Variants in FIBCD1 observed in about 807,000 individuals in gnomAD.
The protein encoded by FIBCD1 is fibrinogen C domain containing 1, also known as fibrinogen C domain-containing protein 1.
FIBCD1 carries 47 observed loss-of-function variants against 45.1 expected under a neutral mutation model. The ratio of observed to expected loss-of-function variants is 1.04; its 90% CI spans 0.82 to 1.33. The LOEUF is 1.33. FIBCD1 is among the 40% of genes most tolerant of loss of function. The pLI is 0.00. For synonymous variants in FIBCD1, 313 were observed against 308.1 expected (o/e 1.02, Z -0.17); for missense variants, 653 against 682.2 (o/e 0.96, Z 0.48).
At chr9:130,920,343 C>T (rs902100372) in intron 4 of FIBCD1, among the ~76,000 whole-genome samples, 1 of 152,064 alleles carries the variant, frequency 6.6e-6, no homozygotes, top group East Asian at 1.9e-4. Flanking sequence ...GCACTGACTC[C>T]CTCCCAGCCC....
chr9:130,933,100 A>G (rs963929615), intron 1 of FIBCD1, among the ~76,000 whole-genome samples: 6 of 152,174 alleles, frequency 3.9e-5, no homozygotes, highest in African/African-American at 1.4e-4. Context: ...GAGGGGCTCG[A>G]GGAAGCCGCA....
chr9:130,928,234 C>T (rs1012442896), intron 2 of FIBCD1, among the ~76,000 whole-genome samples: 1 of 152,182 alleles, frequency 6.6e-6, no homozygotes, highest in African/African-American at 2.4e-5. Flanking sequence ...GGCTGTTAGT[C>T]TTGTGGGAAT....
rs1270109309 is a variant in FIBCD1 at position 130,929,852 on chromosome 9, G to A, written c.267C>T (p.His89=). The A allele has an allele frequency of 4.5e-6, 7 of 1,549,668 alleles. No individual in the cohort carries two copies. In the African/African-American group the frequency reaches 9.6e-5, roughly 21 times the overall value. ...LVTVERADSS[H]LSILIDPRCP... is the part of the protein sequence containing the mutation. ...AGCGCGGGTCAATGAGGATGCTGAGGTGCGAGCTGTCCGCCCTTTCCACAG... is the reference window on the plus strand; with the variant it reads ...AGCGCGGGTCAATGAGGATGCTGAGATGCGAGCTGTCCGCCCTTTCCACAG... Residue 89 remains histidine, a synonymous_variant, in exon 2 of 7, where the codon CAC becomes CAT. Coordinates refer to ENST00000372338, the MANE Select transcript of FIBCD1 (RefSeq NM_032843.5).
intron 4 of FIBCD1, among the ~76,000 whole-genome samples, chr9:130,920,407 C>T (rs1302804079): frequency 6.6e-6 from 1 of 152,162 alleles, no homozygotes; most frequent in Non-Finnish European, 1.5e-5. Flanking sequence ...TCTGACTTGT[C>T]CCCATCTGCA....
At chr9:130,938,364 A>G in intron 1 of FIBCD1, 172 bp downstream of exon 1, 1 of 514,578 alleles carries the variant, frequency 1.9e-6, no homozygotes, top group South Asian at 3.3e-5. Context: ...CTCGAGTTCA[A>G]GCCTCGGCTC....
In FIBCD1 at chr9:130,904,316, G is replaced by A; in HGVS notation, c.1134C>T (p.Ser378=). The change falls in exon 7 of 7, where the codon TCC becomes TCT. Residue 378 remains serine (S), a synonymous_variant. Transcript: ENST00000372338. ...ACCTCATGCCGCTGTGCTTCAGGAG[G>A]GAGTCGCCTGCGCAGGGGTGCACAC... The part of the protein sequence containing the change: ...VADYSGTAGD[S]LLKHSGMRFT... 1 of 1,607,010 alleles carries A rather than the reference G, an allele frequency of 6.2e-7. No homozygotes were observed. The highest frequency in any genetic ancestry group is 8.5e-7 in the Non-Finnish European group (1 of 1,175,330).
intron 5 of FIBCD1, among the ~76,000 whole-genome samples, chr9:130,911,507 G>A (rs1351407538): frequency 1.3e-5 from 2 of 152,212 alleles, no homozygotes; most frequent in East Asian, 3.9e-4. Context: ...CAGCCAGCAG[G>A]TCCCAGGGTG....
At chr9:130,934,183 C>T (rs1022631223) in intron 1 of FIBCD1, among the ~76,000 whole-genome samples, 2 of 152,184 alleles carry the variant, frequency 1.3e-5, no homozygotes, top group Non-Finnish European at 2.9e-5. Context: ...TCCCCAGGAG[C>T]CCACTCTGCT....
At chr9:130,913,212 G>A (rs540288339) in intron 4 of FIBCD1, among the ~76,000 whole-genome samples, 17 of 151,444 alleles carry the variant, frequency 1.1e-4, no homozygotes, top group South Asian at 1.0e-3. Context: ...CGTCCCAGCC[G>A]GCCTCCCCAG....
chr9:130,912,807 G>T (rs75912714), intron 4 of FIBCD1, among the ~76,000 whole-genome samples: 6 of 108,570 alleles, frequency 5.5e-5, no homozygotes, highest in African/African-American at 2.1e-4. Context: ...TCAAAGAAAG[G>T]GGGGGCAGAG....
intron 1 of FIBCD1, chr9:130,933,918 C>G (rs1297996912): frequency 6.6e-6 from 1 of 152,608 alleles, no homozygotes; most frequent in Non-Finnish European, 1.5e-5. Context: ...CAGGTTAGAC[C>G]CAGGTGAGTG....
chr9:130,921,585 G>A (rs575182163), intron 4 of FIBCD1, among the ~76,000 whole-genome samples: 18 of 152,204 alleles, frequency 1.2e-4, no homozygotes, highest in African/African-American at 1.7e-4. Flanking sequence ...CGGAATGACC[G>A]GCCTCCCAGC....
rs766443740 is a variant in FIBCD1 at position 130,911,836 on chromosome 9, G to T, written c.902C>A (p.Ala301Glu). ...GSVNFFRGWD[A>E]YRDGFGRLTG... ...GAGCCTGCCAAAGCCGTCTCGGTAC[G>T]CATCCCAGCCCCGGAAGAAGTTCAC... The change falls in exon 5 of 7, where the codon GCG (alanine) becomes GAG (glutamate). Residue 301 changes from alanine to glutamate, a missense_variant. Ala to Glu is a moderately radical substitution (Grantham distance 107). Transcript: ENST00000372338. The T allele has an allele frequency of 1.2e-6, 2 of 1,604,446 alleles. No individual in the cohort carries two copies. The highest frequency in any genetic ancestry group is 1.3e-5 in the African/African-American group (1 of 74,660).
intron 5 of FIBCD1, among the ~76,000 whole-genome samples, chr9:130,911,243 A>G (rs545075652): frequency 3.9e-5 from 6 of 152,308 alleles, no homozygotes; most frequent in Admixed American, 2.6e-4. Flanking sequence ...ATATCCGAAC[A>G]TCAGAAGAAA....
chr9:130,927,729 C>T (rs1452437843), intron 2 of FIBCD1, among the ~76,000 whole-genome samples: 3 of 152,184 alleles, frequency 2.0e-5, no homozygotes, highest in Non-Finnish European at 1.5e-5. Context: ...AGTGCAGTGG[C>T]GTGATCTCGG....
chr9:130,906,821 G>A (rs1390600647), intron 5 of FIBCD1, among the ~76,000 whole-genome samples: 1 of 152,250 alleles, frequency 6.6e-6, no homozygotes, highest in East Asian at 1.9e-4. Flanking sequence ...ATTAGAGTGA[G>A]TCTAATTTAA....
intron 4 of FIBCD1, among the ~76,000 whole-genome samples, chr9:130,915,935 T>C (rs993742676): frequency 1.1e-4 from 16 of 145,394 alleles, no homozygotes; most frequent in East Asian, 2.6e-4. Context: ...TGCATAGATA[T>C]TTTCTTTTTT....
intron 1 of FIBCD1, among the ~76,000 whole-genome samples, chr9:130,933,664 C>T (rs1405958414): frequency 1.4e-5 from 2 of 143,632 alleles, no homozygotes; most frequent in Non-Finnish European, 1.5e-5. Context: ...ACAGGGTGAC[C>T]TCTGTCCAGG....
Position 130,904,289 on chromosome 9 carries a change from G to A in FIBCD1, c.1161C>T (p.Phe387=), listed in dbSNP as rs1464917423. 6.2e-7 allele frequency: 1 copy of A among 1,611,986 alleles called. No individual in the cohort carries two copies. Among genetic ancestry groups the A allele is most frequent in the South Asian group, 1.1e-5 (1 of 91,048 alleles). Residue 387 remains phenylalanine (F), a synonymous_variant, in exon 7 of 7, where the codon TTC becomes TTT. Coordinates refer to ENST00000372338, the MANE Select transcript of FIBCD1 (RefSeq NM_032843.5). The part of the protein sequence containing the change: ...DSLLKHSGMR[F]TTKDRDSDHS... ...GGTCGCTGTCACGGTCCTTGGTGGT[G>A]AACCTCATGCCGCTGTGCTTCAGGA...
Sources: allele counts gnomAD v4.1 joint callset (sites outside exome capture counted in the v4.1 genomes callset), GRCh38; gene constraint gnomAD v4.1.1; transcripts MANE v1.5; gene names NCBI Gene and HGNC (gene_info 2026-07-23, HGNC 2026-07-21).